The following SYNE1 variants were observed in gnomAD, a reference collection of about 807,000 sequenced individuals.
SYNE1 encodes spectrin repeat containing nuclear envelope protein 1, also known as nesprin-1.
A neutral mutation model predicts 1,111.0 loss-of-function variants in SYNE1; 616 were observed. The ratio of observed to expected loss-of-function variants is 0.55; its 90% CI spans 0.52 to 0.59. SYNE1 has a LOEUF of 0.59. Ranked by LOEUF, SYNE1 falls within the 20% of genes least tolerant of loss-of-function variation. SYNE1 has a pLI of 0.00. For missense variants in SYNE1, 10,006 were observed against 10,417.0 expected, an observed-to-expected ratio of 0.96 and a Z score of 1.72; for synonymous variants, 3,855 against 3,825.8, an observed-to-expected ratio of 1.01 and a Z score of -0.28.
chr6:152,468,996 T>C (rs2098788644), intron 16 of SYNE1, among the ~76,000 whole-genome samples: 1 of 152,100 alleles, frequency 6.6e-6, no homozygotes, highest in African/African-American at 2.4e-5. Flanking sequence ...TGGGCTGGTC[T>C]CAAACTCCTG....
intron 98 of SYNE1, among the ~76,000 whole-genome samples, chr6:152,276,030 C>CTTT (rs749642435): frequency 3.8e-3 from 317 of 83,892 alleles, no homozygotes; most frequent in Middle Eastern, 6.8e-3. Context: ...TTCTCGACTT[C>CTTT]TTTTTTTTTT....
intron 25 of SYNE1, among the ~76,000 whole-genome samples, chr6:152,451,466 G>A (rs1335425339): frequency 4.5e-5 from 5 of 112,336 alleles, no homozygotes; most frequent in African/African-American, 1.5e-4. Context: ...GCCCTGCACC[G>A]TATTTTTTTT....
intron 66 of SYNE1, among the ~76,000 whole-genome samples, chr6:152,357,537 G>A (rs2096858389): frequency 6.6e-6 from 1 of 152,030 alleles, no homozygotes; most frequent in South Asian, 2.1e-4. Context: ...GTACATGGTG[G>A]CCCCTTCTTG....
In SYNE1 at chr6:152,293,607, C is replaced by T. The variant is rs748394169; in HGVS notation, c.17993G>A (p.Ser5998Asn). Reference sequence around the variant, plus strand: ...TTGTACCTGATGTTCAGCCATCTGGCTTTCTGGACTCCTGCCAGGCTCTGG... The same window carrying T: ...TTGTACCTGATGTTCAGCCATCTGGTTTTCTGGACTCCTGCCAGGCTCTGG... ...ESPEPGRSPE[S>N]QMAEHQALMD... is the part of the protein sequence containing the mutation. The change falls in exon 95 of 146, where the codon AGC becomes AAC. Residue 5998 changes from serine to asparagine, a missense_variant. By Grantham distance (46) the Ser-to-Asn change is conservative. Transcript: ENST00000367255. 6.8e-6 allele frequency: 11 copies of T among 1,614,126 alleles called. No individual in the cohort carries two copies. Among genetic ancestry groups the T allele is most frequent in the Non-Finnish European group, 9.3e-6 (11 of 1,180,006 alleles).
At chr6:152,269,401 G>T in intron 98 of SYNE1, 115 bp from the exon 99 acceptor site, 1 of 1,523,160 alleles carries the variant, frequency 6.6e-7, no homozygotes, top group Non-Finnish European at 8.9e-7. Flanking sequence ...GGCTCCACTG[G>T]GATGTGAAAC....
At chr6:152,435,703 T>C (rs2098467925) in intron 33 of SYNE1, 1 of 580,380 alleles carries the variant, frequency 1.7e-6, no homozygotes, top group Non-Finnish European at 3.0e-6. Context: ...GGCTTTCTCA[T>C]GAACATGATC....
intron 63 of SYNE1, among the ~76,000 whole-genome samples, chr6:152,364,591 AAAAAAGAAAG>A (rs1052303890): frequency 2.6e-5 from 4 of 151,968 alleles, no homozygotes; most frequent in Admixed American, 2.0e-4. Context: ...TTCTAATAAG[AAAAAAGAAAG>A]AAAAAGAAAG....
At chr6:152,427,421 C>T (rs1378056302) in intron 38 of SYNE1, among the ~76,000 whole-genome samples, 2 of 152,144 alleles carry the variant, frequency 1.3e-5, no homozygotes, top group African/African-American at 2.4e-5. Context: ...CTTTGCCAAA[C>T]CATGTTATTC....
intron 77 of SYNE1, 104 bp from the exon 78 acceptor site, chr6:152,331,994 G>C (rs1052999323): frequency 5.9e-6 from 9 of 1,530,746 alleles, no homozygotes; most frequent in Admixed American, 5.0e-5. Flanking sequence ...TTTGGAGACT[G>C]AGTTTTGCTC....
intron 127 of SYNE1, among the ~76,000 whole-genome samples, chr6:152,195,733 C>G (rs2073942791): frequency 6.6e-6 from 1 of 152,166 alleles, no homozygotes; most frequent in African/African-American, 2.4e-5. Flanking sequence ...GATCCCCCAC[C>G]ACTACTGGAA....
intron 3 of SYNE1, among the ~76,000 whole-genome samples, chr6:152,571,774 T>G (rs200485379): frequency 6.6e-6 from 1 of 152,198 alleles, no homozygotes; most frequent in East Asian, 1.9e-4. Flanking sequence ...GAGAAAAGAT[T>G]AACATTTTAG....
At chr6:152,443,801 A>G (rs1265524116) in intron 30 of SYNE1, among the ~76,000 whole-genome samples, 3 of 152,204 alleles carry the variant, frequency 2.0e-5, no homozygotes, top group African/African-American at 7.2e-5. Context: ...GCGTTTAACA[A>G]GGTATATATT....
chr6:152,481,741 T>C (rs1184322437), intron 14 of SYNE1, among the ~76,000 whole-genome samples: 3 of 151,398 alleles, frequency 2.0e-5, no homozygotes, highest in African/African-American at 4.9e-5. Context: ...AAAATTGACA[T>C]GGCCCAGGAA....
chr6:152,288,444 G>T (rs1051754704), intron 95 of SYNE1, among the ~76,000 whole-genome samples: 2 of 152,158 alleles, frequency 1.3e-5, no homozygotes, highest in African/African-American at 4.8e-5. Context: ...TGCACTGAAG[G>T]TATCAGCTGC....
At chr6:152,439,733 G>A (rs1167121254) in intron 32 of SYNE1, among the ~76,000 whole-genome samples, 5 of 152,118 alleles carry the variant, frequency 3.3e-5, no homozygotes, top group African/African-American at 1.2e-4. Context: ...CTAAAGGCTA[G>A]GGAAGGGTGG....
At chr6:152,338,496 C>T (rs766254861) in intron 75 of SYNE1, among the ~76,000 whole-genome samples, 33 of 152,044 alleles carry the variant, frequency 2.2e-4, no homozygotes, top group Non-Finnish European at 4.3e-4. Flanking sequence ...ATGGTGTGTG[C>T]CTATAGTCCC....
At chr6:152,421,709 T>G (rs1372998775) in intron 39 of SYNE1, among the ~76,000 whole-genome samples, 1 of 150,854 alleles carries the variant, frequency 6.6e-6, no homozygotes, top group Non-Finnish European at 1.5e-5. Flanking sequence ...ATTTATTTAT[T>G]TATTTATTTT....
Position 152,526,070 on chromosome 6 carries a change from A to G in SYNE1, c.225+10T>C. 6.2e-7 allele frequency: 1 copy of G among 1,613,380 alleles called. No homozygotes were observed. On this transcript the variant is annotated intron_variant, in intron 5 of 145. Transcript: ENST00000367255. ...ATTTGACAAGTATGATCACACAAAA[A>G]AATTCTTACCAGTTTCTGCCCAGAC...
chr6:152,536,218 C>T (rs2099235756), intron 4 of SYNE1, among the ~76,000 whole-genome samples: 1 of 150,686 alleles, frequency 6.6e-6, no homozygotes, highest in Admixed American at 6.7e-5. Context: ...TTTTCAGCCT[C>T]TCCCTCTCTA....
Sources: allele counts gnomAD v4.1 joint callset (sites outside exome capture counted in the v4.1 genomes callset), GRCh38; gene constraint gnomAD v4.1.1; transcripts MANE v1.5; gene names NCBI Gene and HGNC (gene_info 2026-07-23, HGNC 2026-07-21).